Variants in CDH18 observed in about 807,000 individuals in gnomAD.
The protein encoded by CDH18 is cadherin-18.
CDH18 carries 31 observed loss-of-function variants against 67.9 expected under a neutral mutation model. That is an observed-to-expected ratio of 0.46 (90% CI 0.34 to 0.62). The LOEUF (loss-of-function observed/expected upper bound fraction) is 0.62. Ranked by LOEUF, CDH18 falls within the 20% of genes least tolerant of loss-of-function variation. The pLI is 0.01. For synonymous variants in CDH18, 362 were observed against 347.2 expected (o/e 1.04, Z -0.48); for missense variants, 890 against 975.5 (o/e 0.91, Z 1.17).
intron 2 of CDH18, among the ~76,000 whole-genome samples, chr5:19,973,640 T>C (rs376478566): frequency 2.0e-5 from 3 of 152,072 alleles, no homozygotes; most frequent in African/African-American, 7.2e-5. Context: ...GGGTTCTGTT[T>C]TTAATAGGAT....
At chr5:20,538,930 C>A (rs1756894644) in intron 1 of CDH18, among the ~76,000 whole-genome samples, 1 of 62,096 alleles carries the variant, frequency 1.6e-5, no homozygotes, top group African/African-American at 4.7e-5. Flanking sequence ...TTTTTGTCGC[C>A]CAGGCTGGAG....
intron 2 of CDH18, among the ~76,000 whole-genome samples, chr5:19,923,987 G>A (rs1005531649): frequency 6.6e-6 from 1 of 152,200 alleles, no homozygotes; most frequent in African/African-American, 2.4e-5. Flanking sequence ...AAGGCAAGAA[G>A]AGTGTGTGTT....
At chr5:19,863,081 T>A (rs936249973) in intron 2 of CDH18, among the ~76,000 whole-genome samples, 5 of 152,052 alleles carry the variant, frequency 3.3e-5, no homozygotes, top group African/African-American at 1.2e-4. Context: ...CTAATTTGAA[T>A]AAATTTAGTG....
intron 1 of CDH18, among the ~76,000 whole-genome samples, chr5:20,342,624 T>C (rs925687496): frequency 1.6e-4 from 25 of 152,056 alleles, no homozygotes; most frequent in African/African-American, 5.6e-4. Context: ...AGAATAGGCA[T>C]GGGAATGGAT....
intron 2 of CDH18, among the ~76,000 whole-genome samples, chr5:20,127,813 A>T (rs1748954833): frequency 6.6e-6 from 1 of 152,136 alleles, no homozygotes; most frequent in African/African-American, 2.4e-5. Flanking sequence ...ATACCTAGAA[A>T]AGCATTTGGA....
intron 1 of CDH18, among the ~76,000 whole-genome samples, chr5:20,269,551 A>G (rs1223944929): frequency 1.3e-5 from 2 of 152,166 alleles, no homozygotes; most frequent in Admixed American, 6.6e-5. Flanking sequence ...TGGAAAAAAT[A>G]AAATCATGTC....
chr5:19,493,408 T>C (rs993558505), intron 11 of CDH18, among the ~76,000 whole-genome samples: 2 of 152,122 alleles, frequency 1.3e-5, no homozygotes, highest in African/African-American at 4.8e-5. Context: ...GTCTACAGAA[T>C]TTCTCTTAAG....
chr5:19,621,076 A>T (rs545043867), intron 5 of CDH18, among the ~76,000 whole-genome samples: 2 of 152,290 alleles, frequency 1.3e-5, no homozygotes, highest in East Asian at 1.9e-4. Context: ...CAATAGGTTT[A>T]CCTGTGAGTA....
At chr5:19,880,625 A>G (rs1460415618) in intron 2 of CDH18, among the ~76,000 whole-genome samples, 2 of 152,156 alleles carry the variant, frequency 1.3e-5, no homozygotes, top group Non-Finnish European at 2.9e-5. Flanking sequence ...TGGTGTAATC[A>G]TTGCTCTGGA....
At chr5:20,509,416 T>TTTA (rs1754878636) in intron 1 of CDH18, among the ~76,000 whole-genome samples, 1 of 151,346 alleles carries the variant, frequency 6.6e-6, no homozygotes, top group Non-Finnish European at 1.5e-5. Flanking sequence ...CCTTTTTTTT[T>TTTA]TTTTTTAGAT....
chr5:20,041,503 T>C (rs996272121), intron 2 of CDH18, among the ~76,000 whole-genome samples: 1 of 152,216 alleles, frequency 6.6e-6, no homozygotes, highest in Non-Finnish European at 1.5e-5. Context: ...TTTGAAATGA[T>C]TAAACATTTC....
chr5:20,320,756 A>C (rs527980083), intron 1 of CDH18, among the ~76,000 whole-genome samples: 2 of 152,216 alleles, frequency 1.3e-5, no homozygotes, highest in African/African-American at 4.8e-5. Context: ...GCTGCTGCAA[A>C]GATTTCTCAT....
intron 3 of CDH18, among the ~76,000 whole-genome samples, chr5:19,808,502 C>A (rs964354902): frequency 2.6e-5 from 4 of 151,972 alleles, no homozygotes; most frequent in Non-Finnish European, 4.4e-5. Context: ...AAAAACAATT[C>A]ATTTCCTTAA....
At chr5:20,136,997 C>T (rs571550135) in intron 2 of CDH18, among the ~76,000 whole-genome samples, 38 of 152,232 alleles carry the variant, frequency 2.5e-4, no homozygotes, top group Admixed American at 8.5e-4. Context: ...GGTAACCCAA[C>T]GTTTCTCTCT....
intron 1 of CDH18, among the ~76,000 whole-genome samples, chr5:20,294,491 T>G (rs1175975312): frequency 6.6e-6 from 1 of 152,230 alleles, no homozygotes; most frequent in Admixed American, 6.5e-5. Flanking sequence ...TTTCCTCATC[T>G]TATAGTTAGA....
intron 1 of CDH18, among the ~76,000 whole-genome samples, chr5:20,438,501 A>G (rs1161715548): frequency 6.6e-6 from 1 of 151,292 alleles, no homozygotes; most frequent in African/African-American, 2.4e-5. Flanking sequence ...TTCACCTTAA[A>G]CCCTCTTTAG....
intron 2 of CDH18, among the ~76,000 whole-genome samples, chr5:20,042,061 T>A (rs997331395): frequency 6.6e-6 from 1 of 152,254 alleles, no homozygotes. Flanking sequence ...AGCTGTGAGT[T>A]GTGTCAGCCA....
chr5:20,365,800 T>A (rs1000666568), intron 1 of CDH18, among the ~76,000 whole-genome samples: 1 of 152,134 alleles, frequency 6.6e-6, no homozygotes, highest in African/African-American at 2.4e-5. Context: ...TTGGTTTCAT[T>A]TTTTATTTAT....
chr5:20,278,833 TAA>T (rs1333515608), intron 1 of CDH18, among the ~76,000 whole-genome samples: 1 of 152,134 alleles, frequency 6.6e-6, no homozygotes, highest in East Asian at 1.9e-4. Flanking sequence ...TAGTGGGTTA[TAA>T]GATATTGTTT....
Sources: allele counts gnomAD v4.1 joint callset (sites outside exome capture counted in the v4.1 genomes callset), GRCh38; gene constraint gnomAD v4.1.1; transcripts MANE v1.5; gene names NCBI Gene and HGNC (gene_info 2026-07-23, HGNC 2026-07-21).